NKAIN2: variants seen among roughly 807,000 people sequenced by gnomAD.
NKAIN2 encodes sodium/potassium-transporting ATPase subunit beta-1-interacting protein 2.
In NKAIN2, 14 loss-of-function variants were observed where a neutral mutation model predicts 32.6. That is an observed-to-expected ratio of 0.43 (90% confidence interval 0.28 to 0.67). The LOEUF (loss-of-function observed/expected upper bound fraction) is 0.67, where lower values mean the gene tolerates loss of function less well. NKAIN2 is among the 30% of genes least tolerant of loss of function. The pLI is 0.17. For synonymous variants in NKAIN2, 80 were observed against 87.2 expected (o/e 0.92, Z 0.46); for missense variants, 198 against 258.3 (o/e 0.77, Z 1.60).
intron 1 of NKAIN2, among the ~76,000 whole-genome samples, chr6:124,170,099 A>G (rs1788770349): frequency 6.6e-6 from 1 of 151,988 alleles, no homozygotes; most frequent in African/African-American, 2.4e-5. Context: ...TTCTTGCTGA[A>G]TCTCTATTCC....
chr6:124,093,533 G>A (rs1330129091), intron 1 of NKAIN2, among the ~76,000 whole-genome samples: 2 of 152,030 alleles, frequency 1.3e-5, no homozygotes, highest in Non-Finnish European at 2.9e-5. Flanking sequence ...TTATTAACAT[G>A]TTCAAAGACA....
chr6:124,312,208 A>T (rs1169289644), intron 2 of NKAIN2, among the ~76,000 whole-genome samples: 1 of 152,170 alleles, frequency 6.6e-6, no homozygotes, highest in Non-Finnish European at 1.5e-5. Flanking sequence ...AACAATCAGC[A>T]TTGAAGACTT....
chr6:124,489,463 A>G (rs568312593), intron 3 of NKAIN2, among the ~76,000 whole-genome samples: 2 of 152,018 alleles, frequency 1.3e-5, no homozygotes, highest in East Asian at 3.9e-4. Context: ...ATAACTCATC[A>G]TAAGTTGAAA....
chr6:124,264,878 A>ACCATT (rs1406872713), intron 1 of NKAIN2, among the ~76,000 whole-genome samples: 1 of 152,230 alleles, frequency 6.6e-6, no homozygotes, highest in African/African-American at 2.4e-5. Context: ...TGAATAAAAC[A>ACCATT]CCATTCCAAT....
chr6:124,613,124 A>T (rs552777749), intron 3 of NKAIN2, among the ~76,000 whole-genome samples: 2 of 152,128 alleles, frequency 1.3e-5, no homozygotes, highest in Non-Finnish European at 2.9e-5. Flanking sequence ...AGAATAGAAA[A>T]AGAAGAGTTT....
In NKAIN2 at chr6:123,964,352, T is replaced by C. The variant is rs9491019; in HGVS notation, c.54+160098T>C. Among the ~76,000 whole-genome samples the C allele has an allele frequency of 0.026, 3,946 of 152,278 alleles. 170 individuals carry two copies. Among genetic ancestry groups the C allele is most frequent in the African/African-American group, 0.089 (3,716 of 41,548 alleles). The stretch of plus-strand genomic sequence containing the variant: ...CTGAACCTCCTCTAGTTTCATTAAA[T>C]TTAATTAGTATCAATTGCCAGTGTC... On this transcript the variant is annotated intron_variant, in intron 1 of 6. Coordinates refer to ENST00000368417, the MANE Select transcript of NKAIN2 (RefSeq NM_001040214.3). The surrounding 1 kb of genome is among the most constrained non-coding windows in gnomAD (Gnocchi z 4.0).
At chr6:123,934,135 G>A (rs1265456336) in intron 1 of NKAIN2, among the ~76,000 whole-genome samples, 1 of 152,138 alleles carries the variant, frequency 6.6e-6, no homozygotes, top group African/African-American at 2.4e-5. Flanking sequence ...GATTTTATGA[G>A]CTGATATAAA....
At chr6:124,434,936 C>T (rs927633070) in intron 3 of NKAIN2, among the ~76,000 whole-genome samples, 10 of 152,120 alleles carry the variant, frequency 6.6e-5, no homozygotes, top group African/African-American at 2.4e-4. Flanking sequence ...TTATTTTACT[C>T]ATTCAACAAA....
At chr6:123,810,909 C>G (rs1008846332) in intron 1 of NKAIN2, among the ~76,000 whole-genome samples, 3 of 152,144 alleles carry the variant, frequency 2.0e-5, no homozygotes, top group African/African-American at 7.2e-5. Context: ...GCATCAGAAT[C>G]TCCTGCAGGA....
intron 1 of NKAIN2, among the ~76,000 whole-genome samples, chr6:124,122,624 C>A (rs7758835): frequency 2.0e-5 from 3 of 152,018 alleles, no homozygotes; most frequent in East Asian, 1.9e-4. Context: ...TGTACAAATT[C>A]CAATGGATAA....
At chr6:124,549,383 G>A (rs1261389394) in intron 3 of NKAIN2, among the ~76,000 whole-genome samples, 1 of 151,948 alleles carries the variant, frequency 6.6e-6, no homozygotes, top group Non-Finnish European at 1.5e-5. Flanking sequence ...AAATAAATAA[G>A]TAAATAGTGG....
chr6:124,710,386 G>T (rs966190983), intron 4 of NKAIN2, among the ~76,000 whole-genome samples: 16 of 151,444 alleles, frequency 1.1e-4, no homozygotes, highest in African/African-American at 2.2e-4. Flanking sequence ...GGGTATCCTT[G>T]TTGACTTTCT....
At chr6:124,535,777 A>G (rs1562243426) in intron 3 of NKAIN2, among the ~76,000 whole-genome samples, 1 of 152,144 alleles carries the variant, frequency 6.6e-6, no homozygotes, top group Non-Finnish European at 1.5e-5. Flanking sequence ...AGCTCAACTC[A>G]CTGCACTGAC....
chr6:124,408,373 A>G (rs1423801973), intron 3 of NKAIN2, among the ~76,000 whole-genome samples: 1 of 152,122 alleles, frequency 6.6e-6, no homozygotes, highest in Admixed American at 6.5e-5. Flanking sequence ...TAATTTTTGT[A>G]TGAGGTGTAA....
intron 3 of NKAIN2, among the ~76,000 whole-genome samples, chr6:124,384,429 G>C (rs1215503009): frequency 6.6e-6 from 1 of 152,142 alleles, no homozygotes; most frequent in African/African-American, 2.4e-5. Flanking sequence ...CCAAGAATAA[G>C]TGGGGTGATG....
At chr6:123,844,284 T>C (rs2114941803) in intron 1 of NKAIN2, among the ~76,000 whole-genome samples, 1 of 152,264 alleles carries the variant, frequency 6.6e-6, no homozygotes, top group Non-Finnish European at 1.5e-5. Flanking sequence ...TACAGAGCAT[T>C]TTGAAGAAGG....
intron 1 of NKAIN2, among the ~76,000 whole-genome samples, chr6:123,823,567 C>T (rs1371208508): frequency 6.6e-6 from 1 of 152,052 alleles, no homozygotes; most frequent in Non-Finnish European, 1.5e-5. Context: ...TGTACCTAGA[C>T]AGTTGTAGAA....
chr6:124,326,615 C>T (rs1797426935), intron 2 of NKAIN2, among the ~76,000 whole-genome samples: 1 of 152,142 alleles, frequency 6.6e-6, no homozygotes, highest in Non-Finnish European at 1.5e-5. Context: ...TCACCCTTAC[C>T]TCCAGGGTTC....
At chr6:123,882,933 G>C (rs1773516269) in intron 1 of NKAIN2, among the ~76,000 whole-genome samples, 1 of 152,122 alleles carries the variant, frequency 6.6e-6, no homozygotes, top group African/African-American at 2.4e-5. Context: ...AACTAAGCTG[G>C]TGAAACGGTG....
Sources: gnomAD v4.1 joint callset for allele counts (sites outside exome capture counted in the v4.1 genomes callset) on GRCh38, gnomAD v4.1.1 for gene constraint, Gnocchi (gnomAD v3.1) non-coding constraint, MANE v1.5 for transcripts, NCBI Gene and HGNC (gene_info 2026-07-23, HGNC 2026-07-21) for gene names.